Variants in CHD1 observed in about 807,000 individuals in gnomAD.
CHD1 encodes the protein chromodomain helicase DNA binding protein 1.
A neutral mutation model predicts 224.2 loss-of-function variants in CHD1; 36 were observed. The ratio of observed to expected loss-of-function variants is 0.16; its 90% confidence interval spans 0.12 to 0.21. CHD1 has a LOEUF of 0.21. Ranked by LOEUF, CHD1 falls within the 10% of genes least tolerant of loss-of-function variation. The probability of loss-of-function intolerance (pLI) is 1.00; values close to 1 mark genes in which losing one functional copy is unlikely to be tolerated. For synonymous variants in CHD1, 668 were observed against 658.3 expected (o/e 1.01, Z -0.23); for missense variants, 1,378 against 1,994.8 (o/e 0.69, Z 5.89).
intron 26 of CHD1, among the ~76,000 whole-genome samples, chr5:98,873,349 A>G (rs1286591199): frequency 6.6e-6 from 1 of 152,192 alleles, no homozygotes; most frequent in African/African-American, 2.4e-5. Flanking sequence ...GTGTGTATAA[A>G]ACAGTAATTT....
At chr5:98,881,950 AT>A in intron 20 of CHD1, 24 bp downstream of exon 20, 1 of 1,601,014 alleles carries the variant, frequency 6.2e-7, no homozygotes, top group Non-Finnish European at 8.5e-7. Context: ...CTAAAATGAC[AT>A]TTTTTTAATA....
intron 3 of CHD1, among the ~76,000 whole-genome samples, 157 bp downstream of exon 3, chr5:98,904,740 G>A (rs1751939701): frequency 1.3e-5 from 2 of 152,144 alleles, no homozygotes; most frequent in Admixed American, 1.3e-4. Flanking sequence ...TTAGTCCACA[G>A]GTGTACCACC....
At chr5:98,876,584 C>T (rs746440313) in intron 23 of CHD1, 26 bp from the exon 24 acceptor site, 1 of 1,604,204 alleles carries the variant, frequency 6.2e-7, no homozygotes, top group South Asian at 1.1e-5. Flanking sequence ...ATTTACCCAA[C>T]CTTAGTGTAA....
At position 98,901,099 on chromosome 5, in the gene CHD1, A is replaced by G. The variant is rs1470595165; in HGVS notation, c.588-17T>C. ...GACTTAGATCTAGGAAAGTGCAAAG[A>G]GAAAAAAAAACAAGATTTGAGAAAC... On this transcript the variant is annotated splice_polypyrimidine_tract_variant and intron_variant, in intron 6 of 35. Coordinates refer to ENST00000614616, the MANE Select transcript of CHD1 (RefSeq NM_001270.4). The G allele has an allele frequency of 6.4e-7, 1 of 1,567,778 alleles. No homozygotes were observed. The highest frequency in any genetic ancestry group is 2.0e-5 in the Admixed American group (1 of 48,908).
At chr5:98,856,949 TA>T (rs1205292749) in intron 35 of CHD1, among the ~76,000 whole-genome samples, 2 of 152,114 alleles carry the variant, frequency 1.3e-5, no homozygotes, top group African/African-American at 4.8e-5. Flanking sequence ...ACAAAACCCC[TA>T]AAATAGCATC....
chr5:98,924,279 T>C (rs1251190666), intron 2 of CHD1, among the ~76,000 whole-genome samples: 3 of 151,936 alleles, frequency 2.0e-5, no homozygotes, highest in African/African-American at 7.3e-5. Context: ...AAAAAAATTG[T>C]GGGTGGACAA....
At chr5:98,862,036 A>C (rs911047548) in intron 32 of CHD1, among the ~76,000 whole-genome samples, 1 of 152,136 alleles carries the variant, frequency 6.6e-6, no homozygotes, top group Non-Finnish European at 1.5e-5. Context: ...GTGGGCCTGT[A>C]GTCCCAGCTA....
At chr5:98,925,064 A>T (rs1753366699) in intron 2 of CHD1, among the ~76,000 whole-genome samples, 1 of 151,958 alleles carries the variant, frequency 6.6e-6, no homozygotes, top group African/African-American at 2.4e-5. Flanking sequence ...TTTTTTCTTA[A>T]TCTTCCTAAT....
chr5:98,899,689 T>C lies in CHD1; in HGVS notation c.876A>G (p.Thr292=). 6.2e-7 allele frequency: 1 copy of C among 1,612,376 alleles called. No individual in the cohort carries two copies. The highest frequency in any genetic ancestry group is 8.5e-7 in the Non-Finnish European group (1 of 1,178,924). Residue 292 remains threonine (T), a synonymous_variant, in exon 8 of 36, where the codon ACA becomes ACG. Transcript: ENST00000614616. ...IGRKGATGAT[T]TIYAVEADGD... is the part of the protein sequence containing the mutation. ...CATCTGCTTCAACTGCATAGATGGT[T>C]GTAGTAGCACCAGTAGCTGAAAACA... is the stretch of plus-strand genomic sequence containing the variant.
At chr5:98,916,643 T>C (rs1045921950) in intron 2 of CHD1, among the ~76,000 whole-genome samples, 4 of 149,456 alleles carry the variant, frequency 2.7e-5, no homozygotes, top group African/African-American at 9.8e-5. Flanking sequence ...TTACCAGCAA[T>C]ATGTAATTTT....
At chr5:98,889,021 G>C in intron 16 of CHD1, 55 bp downstream of exon 16, 1 of 1,278,554 alleles carries the variant, frequency 7.8e-7, no homozygotes, top group Non-Finnish European at 1.1e-6. Context: ...GATTGTAAGT[G>C]AAATCAACAT....
chr5:98,906,780 T>G (rs1055398836), intron 2 of CHD1, among the ~76,000 whole-genome samples: 5 of 152,248 alleles, frequency 3.3e-5, no homozygotes, highest in African/African-American at 1.2e-4. Context: ...TTGAGGAATG[T>G]GAGTTCTATT....
chr5:98,871,251 G>C (rs992102272), intron 28 of CHD1, among the ~76,000 whole-genome samples: 1 of 150,990 alleles, frequency 6.6e-6, no homozygotes, highest in African/African-American at 2.4e-5. Context: ...TTTTACAGGG[G>C]AATCTAGACT....
chr5:98,868,351 AGAC>A, intron 31 of CHD1, 141 bp downstream of exon 31: 3 of 598,016 alleles, frequency 5.0e-6, no homozygotes, highest in Non-Finnish European at 7.7e-6. Flanking sequence ...AAAAAAAAAA[AGAC>A]ACCCTTCAAA....
At chr5:98,876,056 A>G (rs1344963363) in intron 24 of CHD1, among the ~76,000 whole-genome samples, 1 of 151,828 alleles carries the variant, frequency 6.6e-6, no homozygotes, top group East Asian at 1.9e-4. Context: ...ACAAAAAATT[A>G]GTAACTTTGG....
intron 32 of CHD1, 60 bp downstream of exon 32, chr5:98,863,348 A>G (rs556246355): frequency 9.7e-7 from 1 of 1,025,654 alleles, no homozygotes; most frequent in Non-Finnish European, 1.3e-6. Flanking sequence ...AGAAAACAAA[A>G]AAAAAAAAAG....
chr5:98,890,862 A>T (rs1187415992), intron 15 of CHD1, among the ~76,000 whole-genome samples: 1 of 152,202 alleles, frequency 6.6e-6, no homozygotes, highest in East Asian at 1.9e-4. Context: ...TCCCCATCGT[A>T]TACATTTTAA....
At chr5:98,897,457 T>G (rs755224668) in intron 10 of CHD1, 137 bp from the exon 11 acceptor site, 1 of 611,640 alleles carries the variant, frequency 1.6e-6, no homozygotes, top group Admixed American at 3.5e-5. Flanking sequence ...TTACTCAAAA[T>G]GTACCTGAGG....
intron 15 of CHD1, among the ~76,000 whole-genome samples, chr5:98,890,182 A>C (rs1199977341): frequency 6.6e-6 from 1 of 152,208 alleles, no homozygotes; most frequent in African/African-American, 2.4e-5. Flanking sequence ...TGAATTTAAA[A>C]AAGAAAAGAA....
Sources: allele counts gnomAD v4.1 joint callset (sites outside exome capture counted in the v4.1 genomes callset), GRCh38; gene constraint gnomAD v4.1.1; transcripts MANE v1.5; gene names NCBI Gene and HGNC (gene_info 2026-07-23, HGNC 2026-07-21).